GAL3ST1: variants seen among roughly 807,000 people sequenced by gnomAD.
GAL3ST1 encodes galactosylceramide sulfotransferase.
GAL3ST1 carries 13 observed loss-of-function variants against 25.0 expected under a neutral mutation model. The ratio of observed to expected loss-of-function variants is 0.52; its 90% CI spans 0.34 to 0.83. The LOEUF is 0.83. Among genes scored for constraint, GAL3ST1 ranks in the 40% least tolerant of loss-of-function variants. The pLI is 0.02. For synonymous variants in GAL3ST1, 274 were observed against 277.8 expected (o/e 0.99, Z 0.14); for missense variants, 474 against 613.6 (o/e 0.77, Z 2.40).
chr22:30,564,389 A>G (rs375706677), intron 1 of GAL3ST1, among the ~76,000 whole-genome samples: 2 of 152,228 alleles, frequency 1.3e-5, no homozygotes, highest in Non-Finnish European at 2.9e-5. Context: ...ACAAAGAGGC[A>G]GGGAGGCTCA....
chr22:30,574,304 G>A (rs536914197), intron 1 of GAL3ST1, among the ~76,000 whole-genome samples, 162 bp downstream of exon 1: 1 of 152,214 alleles, frequency 6.6e-6, no homozygotes, highest in African/African-American at 2.4e-5. Context: ...CTCTGGCAGT[G>A]GGCAGGGGTA....
intron 2 of GAL3ST1, among the ~76,000 whole-genome samples, 198 bp downstream of exon 2, chr22:30,558,081 C>A (rs931848080): frequency 4.0e-5 from 6 of 151,798 alleles, no homozygotes; most frequent in Admixed American, 1.3e-4. Flanking sequence ...AGCCATCGCG[C>A]CCGACCATGA....
chr22:30,559,306 T>C (rs2146362969), intron 1 of GAL3ST1, among the ~76,000 whole-genome samples: 1 of 152,294 alleles, frequency 6.6e-6, no homozygotes, highest in South Asian at 2.1e-4. Flanking sequence ...TGTGGCGCAA[T>C]CTCGGCTCCC....
Position 30,555,585 on chromosome 22 carries a change from G to A in GAL3ST1, c.640C>T (p.Leu214Phe). The A allele has an allele frequency of 6.2e-7, 1 of 1,613,598 alleles. No homozygotes were observed. The highest frequency in any genetic ancestry group is 8.5e-7 in the Non-Finnish European group (1 of 1,180,040). Reference sequence around the variant, plus strand: ...AGGTCGAAGAAGAGCAGGTTTCGGAGGTAGTGGGCATTGAAGCCGTTGGGG... The same window carrying A: ...AGGTCGAAGAAGAGCAGGTTTCGGAAGTAGTGGGCATTGAAGCCGTTGGGG... ...YDPNGFNAHY[L>F]RNLLFFDLGY... Residue 214 changes from leucine (L) to phenylalanine (F), a missense_variant, in exon 4 of 4, where the codon CTC becomes TTC. Transcript: ENST00000406361. This position sits in a 1 kb window ranked among gnomAD's most constrained non-coding sequence, Gnocchi z 8.6.
At chr22:30,573,505 G>A (rs2086834514) in intron 1 of GAL3ST1, among the ~76,000 whole-genome samples, 1 of 152,208 alleles carries the variant, frequency 6.6e-6, no homozygotes, top group Non-Finnish European at 1.5e-5. Context: ...CCCCTGTGTG[G>A]GCCTGGATGA....
chr22:30,558,764 T>G (rs2086197856), intron 1 of GAL3ST1, among the ~76,000 whole-genome samples: 2 of 152,326 alleles, frequency 1.3e-5, no homozygotes, highest in South Asian at 4.1e-4. Context: ...AGCCAGCCTG[T>G]AGGGTTGCTC....
At chr22:30,572,103 G>A (rs138129178) in intron 1 of GAL3ST1, among the ~76,000 whole-genome samples, 4 of 152,258 alleles carry the variant, frequency 2.6e-5, no homozygotes, top group East Asian at 3.9e-4. Context: ...TAACTGGGGC[G>A]TTGCAAGTCA....
intron 1 of GAL3ST1, among the ~76,000 whole-genome samples, chr22:30,558,613 G>A (rs2086188510): frequency 6.6e-6 from 1 of 152,056 alleles, no homozygotes; most frequent in Non-Finnish European, 1.5e-5. Flanking sequence ...AGAGCCCAGG[G>A]CTCTTCTCTC....
intron 1 of GAL3ST1, 50 bp downstream of exon 1, chr22:30,574,416 G>A (rs2086850162): frequency 6.6e-6 from 1 of 152,042 alleles, no homozygotes; most frequent in Admixed American, 6.5e-5. Flanking sequence ...CCAGGGAGTA[G>A]ACTGAGGCAG....
chr22:30,557,117 T>C (rs2086083695), intron 3 of GAL3ST1, 145 bp downstream of exon 3: 2 of 762,426 alleles, frequency 2.6e-6, no homozygotes, highest in Non-Finnish European at 2.1e-6. Context: ...ATCAGTGGAA[T>C]TTCTGTCTGG....
chr22:30,556,247 G>C (rs996853697), intron 3 of GAL3ST1, among the ~76,000 whole-genome samples, 154 bp from the exon 4 acceptor site: 1 of 152,118 alleles, frequency 6.6e-6, no homozygotes, highest in Admixed American at 6.5e-5. Context: ...GTGCCTGCGC[G>C]GGTGGTTTGG....
chr22:30,571,756 C>T (rs1351116352), intron 1 of GAL3ST1, among the ~76,000 whole-genome samples: 2 of 152,208 alleles, frequency 1.3e-5, no homozygotes, highest in African/African-American at 2.4e-5. Context: ...CCCAGCTACT[C>T]GGGAGGCTGA....
At chr22:30,564,091 C>T (rs1267166479) in intron 1 of GAL3ST1, among the ~76,000 whole-genome samples, 4 of 152,192 alleles carry the variant, frequency 2.6e-5, no homozygotes, top group Non-Finnish European at 4.4e-5. Context: ...CCAAGCATTT[C>T]GGATAAGGGA....
At chr22:30,564,344 A>G (rs936735110) in intron 1 of GAL3ST1, among the ~76,000 whole-genome samples, 1 of 152,202 alleles carries the variant, frequency 6.6e-6, no homozygotes, top group African/African-American at 2.4e-5. Context: ...GATGATCTCA[A>G]TGTAGCCAGA....
At chr22:30,571,156 C>A (rs910498801) in intron 1 of GAL3ST1, among the ~76,000 whole-genome samples, 1 of 152,206 alleles carries the variant, frequency 6.6e-6, no homozygotes, top group Non-Finnish European at 1.5e-5. Context: ...CCTCTCTGAA[C>A]CTCAGTGCAC....
At chr22:30,571,133 C>A (rs1424979218) in intron 1 of GAL3ST1, among the ~76,000 whole-genome samples, 1 of 152,156 alleles carries the variant, frequency 6.6e-6, no homozygotes, top group Non-Finnish European at 1.5e-5. Flanking sequence ...GTGGCCGAGG[C>A]AAGACACTCT....
intron 3 of GAL3ST1, 63 bp downstream of exon 3, chr22:30,557,199 C>A (rs1477479174): frequency 1.6e-5 from 25 of 1,564,230 alleles, no homozygotes; most frequent in Non-Finnish European, 1.8e-5. Context: ...TTACAGGGCC[C>A]CATGGGTGGG....
chr22:30,567,636 A>G (rs1253462396), intron 1 of GAL3ST1, among the ~76,000 whole-genome samples: 1 of 151,782 alleles, frequency 6.6e-6, no homozygotes, highest in Non-Finnish European at 1.5e-5. Context: ...CCTATCGATA[A>G]ATTGTGGACA....
At chr22:30,558,248 A>T (rs956758207) in intron 2 of GAL3ST1, 31 bp downstream of exon 2, 3 of 151,998 alleles carry the variant, frequency 2.0e-5, no homozygotes, top group Admixed American at 6.5e-5. Context: ...AACAAAATTT[A>T]AAAAAATTCA....
Sources: allele counts gnomAD v4.1 joint callset (sites outside exome capture counted in the v4.1 genomes callset), GRCh38; gene constraint gnomAD v4.1.1; non-coding constraint Gnocchi (gnomAD v3.1); transcripts MANE v1.5; gene names NCBI Gene and HGNC (gene_info 2026-07-23, HGNC 2026-07-21).